Variants in ZFYVE21 observed in about 807,000 individuals in gnomAD.
The protein encoded by ZFYVE21 is zinc finger FYVE-type containing 21, also known as zinc finger FYVE domain-containing protein 21.
A neutral mutation model predicts 29.5 loss-of-function variants in ZFYVE21; 21 were observed. The observed-to-expected ratio is 0.71, with a 90% CI of 0.50 to 1.02. The LOEUF (loss-of-function observed/expected upper bound fraction) is 1.02. Ranked by LOEUF, ZFYVE21 falls within the 50% of genes least tolerant of loss-of-function variation. The pLI, the probability that ZFYVE21 is intolerant of heterozygous loss-of-function variation, is 0.00. For synonymous variants in ZFYVE21, 151 were observed against 133.8 expected (o/e 1.13, Z -0.89); for missense variants, 326 against 335.4 (o/e 0.97, Z 0.22).
chr14:103,727,046 A>G (rs2083933539), intron 2 of ZFYVE21: 7 of 535,390 alleles, frequency 1.3e-5, no homozygotes, highest in Non-Finnish European at 2.3e-5. Flanking sequence ...CTCAGGTTCA[A>G]GTGATTCTCC....
At chr14:103,724,923 C>A (rs551861906) in intron 1 of ZFYVE21, 1 of 152,292 alleles carries the variant, frequency 6.6e-6, no homozygotes, top group African/African-American at 2.4e-5. Flanking sequence ...CCCGCAGCCC[C>A]CAATGCGCTG....
At chr14:103,722,158 T>C (rs2083878138) in intron 1 of ZFYVE21, among the ~76,000 whole-genome samples, 1 of 152,226 alleles carries the variant, frequency 6.6e-6, no homozygotes, top group African/African-American at 2.4e-5. Context: ...TTTTACCTTA[T>C]GTCTTCATCC....
At position 103,729,112 on chromosome 14, in the gene ZFYVE21, C is replaced by T; in HGVS notation, c.456C>T (p.Asp152=). 1 of 1,614,088 alleles carries T rather than the reference C, an allele frequency of 6.2e-7. No homozygotes were observed. Among genetic ancestry groups the T allele is most frequent in the Non-Finnish European group, 8.5e-7 (1 of 1,180,018 alleles). The part of the protein sequence containing the change: ...NNQRYLFLDG[D]SHYEIEIVHI... Reference sequence around the variant, plus strand: ...GTAGATACTTGTTTCTGGATGGAGACAGCCACTATGAAATCGAAATTGTAC... The same window carrying T: ...GTAGATACTTGTTTCTGGATGGAGATAGCCACTATGAAATCGAAATTGTAC... Residue 152 remains aspartate (D), a synonymous_variant, in exon 5 of 7, where the codon GAC becomes GAT. Coordinates refer to ENST00000311141, the MANE Select transcript of ZFYVE21 (RefSeq NM_024071.4).
At chr14:103,730,175 A>T (rs1389585428) in intron 5 of ZFYVE21, 3 of 336,860 alleles carry the variant, frequency 8.9e-6, no homozygotes, top group Admixed American at 4.7e-5. Context: ...GCCTCTGCCA[A>T]CACTGCCCTT....
chr14:103,727,790 C>T lies in ZFYVE21; in HGVS notation c.234C>T (p.Cys78=). 1.2e-6 allele frequency: 2 copies of T among 1,612,154 alleles called. No homozygotes were observed. Among genetic ancestry groups the T allele is most frequent in the Non-Finnish European group, 1.7e-6 (2 of 1,179,886 alleles). ...RCGKCFCDRC[C]SQKVPLRRMC... ...GGAAGTGCTTCTGCGACAGGTGCTG[C>T]AGCCAGAAGGTGCCGCTGCGGCGCA... Residue 78 remains cysteine (C), a synonymous_variant, in exon 3 of 7, where the codon TGC becomes TGT. Coordinates refer to ENST00000311141, the MANE Select transcript of ZFYVE21 (RefSeq NM_024071.4).
rs1220794503 is a variant in ZFYVE21 at position 103,721,169 on chromosome 14, G to A, written c.138+5190G>A. Among the ~76,000 whole-genome samples the A allele has an allele frequency of 2.0e-5, 3 of 152,248 alleles. No individual in the cohort carries two copies. In the East Asian group the frequency reaches 5.8e-4, roughly 29 times the overall value. ...TCGCGGCCATCTTGCTTACCCACCG[G>A]GAAGCCTAGTTTATGGCATCTGCCT... On this transcript the variant is annotated intron_variant, in intron 1 of 6. Coordinates refer to ENST00000311141, the MANE Select transcript of ZFYVE21 (RefSeq NM_024071.4).
chr14:103,721,398 C>T (rs2083871271), intron 1 of ZFYVE21, among the ~76,000 whole-genome samples: 1 of 152,234 alleles, frequency 6.6e-6, no homozygotes, highest in South Asian at 2.1e-4. Context: ...TGAGACAGCT[C>T]CTTCTGTGTC....
At position 103,715,894 on chromosome 14, in the gene ZFYVE21, C is replaced by G. The variant is rs1173957416; in HGVS notation, c.53C>G (p.Pro18Arg). The G allele has an allele frequency of 2.8e-6, 4 of 1,439,376 alleles. No individual in the cohort carries two copies. The South Asian group carries it at 3.9e-5, about 14-fold the overall frequency. 89.2% of individuals were successfully genotyped at this position (1,439,376 alleles called of 1,614,324 possible). A position where few individuals can be genotyped will look rare whatever the true frequency, so the allele number is the denominator to read the frequency against. ...GACGCCAAGAAGCTGGTGCGCTCCC[C>G]GAGCGGCCTGCGCATGGTGCCCGAA... is the stretch of plus-strand genomic sequence containing the variant. ...RRDAKKLVRS[P>R]SGLRMVPEHR... Residue 18 changes from proline to arginine, a missense_variant, in exon 1 of 7, where the codon CCG (proline) becomes CGG (arginine). By Grantham distance (103) the Pro-to-Arg change is moderately radical (BLOSUM62 -2). Coordinates refer to ENST00000311141, the MANE Select transcript of ZFYVE21 (RefSeq NM_024071.4).
chr14:103,730,191 C>T (rs540435155), intron 5 of ZFYVE21: 38 of 295,108 alleles, frequency 1.3e-4, no homozygotes, highest in East Asian at 1.5e-4. Context: ...CCCTTCCCCC[C>T]GAGGCCTGCT....
At position 103,733,566 on chromosome 14, in the gene ZFYVE21, C is replaced by CTT. The variant is rs1340731303; in HGVS notation, c.*550_*551dup. The CTT allele has an allele frequency of 6.5e-6, 1 of 153,276 alleles. No individual in the cohort carries two copies. Among genetic ancestry groups the CTT allele is most frequent in the Non-Finnish European group, 1.5e-5 (1 of 68,502 alleles). 9.5% of individuals were successfully genotyped at this position (153,276 alleles called of 1,614,324 possible). On this transcript the variant is annotated 3_prime_UTR_variant, in exon 7 of 7. Coordinates refer to ENST00000311141, the MANE Select transcript of ZFYVE21 (RefSeq NM_024071.4). ...TACTTCACCAAGGGGAACGTGGGGG[C>CTT]TTTGTGTTTTGTACTTTTCACTCAC... is the stretch of plus-strand genomic sequence containing the variant.
chr14:103,727,376 G>GCCCCCCCCCCCC, intron 2 of ZFYVE21: 1 of 161,340 alleles, frequency 6.2e-6, no homozygotes, highest in South Asian at 8.1e-5. Context: ...CGCCCCCTCT[G>GCCCCCCCCCCCC]CCCCCTCCGC....
At position 103,716,500 on chromosome 14, in the gene ZFYVE21, G is replaced by A. The variant is rs1158269626; in HGVS notation, c.138+521G>A. Among the ~76,000 whole-genome samples, 1 of 152,232 alleles carries A rather than the reference G, an allele frequency of 6.6e-6. No individual in the cohort carries two copies. The highest frequency in any genetic ancestry group is 1.5e-5 in the Non-Finnish European group (1 of 68,032). ...GCGTCGGTGCCGCGGGCGGGTGGCC[G>A]GTTCCGAAGCCACCTCCTGCTCGGA... On this transcript the variant is annotated intron_variant, in intron 1 of 6. Coordinates refer to ENST00000311141, the MANE Select transcript of ZFYVE21 (RefSeq NM_024071.4). This position sits in a 1 kb window ranked among gnomAD's most constrained non-coding sequence, Gnocchi z 4.8.
intron 1 of ZFYVE21, among the ~76,000 whole-genome samples, chr14:103,717,987 G>T (rs1409353953): frequency 6.6e-6 from 1 of 152,220 alleles, no homozygotes; most frequent in Admixed American, 6.5e-5. Context: ...GGACATGTAC[G>T]GTAACAGTCG....
At chr14:103,726,878 A>C in intron 2 of ZFYVE21, 36 bp downstream of exon 2, 3 of 1,580,122 alleles carry the variant, frequency 1.9e-6, no homozygotes, top group Non-Finnish European at 2.6e-6. Context: ...TGGTGGGAAG[A>C]GGGGAGGGGC....
Position 103,732,782 on chromosome 14 carries a change from G to A in ZFYVE21, c.669+20G>A. 6.2e-7 allele frequency: 1 copy of A among 1,609,382 alleles called. No individual in the cohort carries two copies. The highest frequency in any genetic ancestry group is 1.1e-5 in the South Asian group (1 of 90,518). On this transcript the variant is annotated intron_variant, in intron 6 of 6. Transcript: ENST00000311141. Reference sequence around the variant, plus strand: ...CACAAGGTACCTGAGCCCAGGCCAGGGAGGCTGGGCCCTTTGGCTTAGACA... The same window carrying A: ...CACAAGGTACCTGAGCCCAGGCCAGAGAGGCTGGGCCCTTTGGCTTAGACA...
At chr14:103,719,356 T>C (rs1368864524) in intron 1 of ZFYVE21, among the ~76,000 whole-genome samples, 1 of 150,842 alleles carries the variant, frequency 6.6e-6, no homozygotes, top group East Asian at 1.9e-4. Context: ...CTCAGGAGGC[T>C]GAGGCAGGAG....
rs565949736 is a variant in ZFYVE21, at chr14:103,715,835, C to A, written c.-7C>A. On this transcript the variant is annotated 5_prime_UTR_variant, in exon 1 of 7. Coordinates refer to ENST00000311141, the MANE Select transcript of ZFYVE21 (RefSeq NM_024071.4). ...GGGGCCGCTGGCCGAGAGGCTGAGG[C>A]GGCGTCATGTCCTCCGAGGTGTCCG... The A allele has an allele frequency of 1.4e-6, 2 of 1,393,420 alleles. No individual in the cohort carries two copies. The highest frequency in any genetic ancestry group is 2.6e-5 in the Admixed American group (1 of 38,284). The allele number at this position is 1,393,420 out of a possible 1,614,324, so 86.3% of individuals were successfully genotyped here.
chr14:103,726,071 T>A (rs1185181100), intron 1 of ZFYVE21: 1 of 152,334 alleles, frequency 6.6e-6, no homozygotes, highest in East Asian at 1.9e-4. Flanking sequence ...GTCTTACAGC[T>A]TCTCTGTGCC....
At position 103,727,763 on chromosome 14, in the gene ZFYVE21, C is replaced by T. The variant is rs1398093388; in HGVS notation, c.207C>T (p.Cys69=). ...FLTRKHHCRR[C]GKCFCDRCCS... is the part of the protein sequence containing the mutation. ...CTGCCCAGCACCACTGTCGCCGCTG[C>T]GGGAAGTGCTTCTGCGACAGGTGCT... The change falls in exon 3 of 7, where the codon TGC becomes TGT. Residue 69 remains cysteine (C), a synonymous_variant. Transcript: ENST00000311141. The T allele has an allele frequency of 2.5e-6, 4 of 1,609,438 alleles. No homozygotes were observed. Among genetic ancestry groups the T allele is most frequent in the Non-Finnish European group, 1.7e-6 (2 of 1,179,744 alleles).
Sources: gnomAD v4.1 joint callset for allele counts (sites outside exome capture counted in the v4.1 genomes callset) on GRCh38, gnomAD v4.1.1 for gene constraint, Gnocchi (gnomAD v3.1) non-coding constraint, MANE v1.5 for transcripts, NCBI Gene and HGNC (gene_info 2026-07-23, HGNC 2026-07-21) for gene names.